The following AXDND1 variants were observed in gnomAD, a reference collection of about 807,000 sequenced individuals.
AXDND1 encodes axonemal dynein light chain domain containing 1.
AXDND1 carries 110 observed loss-of-function variants against 137.5 expected under a neutral mutation model. The observed-to-expected ratio is 0.80, with a 90% CI of 0.69 to 0.94. The LOEUF is 0.94. AXDND1 is among the 40% of genes least tolerant of loss of function. The pLI, the probability that AXDND1 is intolerant of heterozygous loss-of-function variation, is 0.00. For synonymous variants in AXDND1, 414 were observed against 399.7 expected (o/e 1.04, Z -0.43); for missense variants, 1,191 against 1,169.8 (o/e 1.02, Z -0.26).
intron 12 of AXDND1, among the ~76,000 whole-genome samples, chr1:179,417,054 T>C (rs1654818927): frequency 6.6e-6 from 1 of 152,214 alleles, no homozygotes; most frequent in African/African-American, 2.4e-5. Context: ...TGATATCTCA[T>C]TGTAGTTTTG....
chr1:179,505,362 G>A (rs1055645849), intron 20 of AXDND1, among the ~76,000 whole-genome samples: 3 of 152,148 alleles, frequency 2.0e-5, no homozygotes, highest in African/African-American at 7.2e-5. Context: ...GTTCAGAACT[G>A]AGGATCTTGG....
chr1:179,369,091 G>A, intron 3 of AXDND1, 119 bp downstream of exon 3: 4 of 1,060,252 alleles, frequency 3.8e-6, no homozygotes, highest in Non-Finnish European at 5.3e-6. Context: ...TTTTAAGATT[G>A]ATTGAGACAG....
rs143178688 is a variant in AXDND1, at chr1:179,445,193, A to G, written c.1787A>G (p.Asn596Ser). The change falls in exon 16 of 26, where the codon AAT (asparagine) becomes AGT (serine). Residue 596 changes from asparagine (N) to serine (S), a missense_variant. Transcript: ENST00000367618. Reference protein sequence around the residue: ...KLYKEYEIRINGDNGYSKILP... With the variant: ...KLYKEYEIRISGDNGYSKILP... The stretch of plus-strand genomic sequence containing the variant: ...TACAAAGAATATGAAATAAGAATAA[A>G]TGGGGACAATGGTAAGAAAATACTC... The G allele has an allele frequency of 6.8e-4, 1,061 of 1,549,308 alleles. 6 individuals carry two copies. In the African/African-American group the frequency reaches 0.012, roughly 17 times the overall value.
At chr1:179,425,638 A>G (rs1215659375) in intron 12 of AXDND1, among the ~76,000 whole-genome samples, 1 of 151,940 alleles carries the variant, frequency 6.6e-6, no homozygotes, top group South Asian at 2.1e-4. Context: ...GTCCATCTTG[A>G]TCTCACTTTT....
chr1:179,369,005 C>A (rs1177042978), intron 3 of AXDND1, 33 bp downstream of exon 3: 1 of 1,531,794 alleles, frequency 6.5e-7, no homozygotes, highest in Non-Finnish European at 8.9e-7. Flanking sequence ...TAATGGGGAA[C>A]ATTATTTTTT....
chr1:179,535,056 T>C (rs777375605), intron 25 of AXDND1, 94 bp downstream of exon 25: 1 of 1,560,562 alleles, frequency 6.4e-7, no homozygotes, highest in Non-Finnish European at 8.8e-7. Flanking sequence ...ATTAATATAT[T>C]TGGTGCTAAT....
At chr1:179,514,035 T>C (rs1669287577) in intron 21 of AXDND1, among the ~76,000 whole-genome samples, 1 of 152,184 alleles carries the variant, frequency 6.6e-6, no homozygotes, top group Admixed American at 6.6e-5. Flanking sequence ...CATTTATCTT[T>C]TGTATTTTTT....
intron 20 of AXDND1, among the ~76,000 whole-genome samples, chr1:179,508,568 G>A (rs1668743986): frequency 6.6e-6 from 1 of 152,102 alleles, no homozygotes; most frequent in South Asian, 2.1e-4. Flanking sequence ...ACTGTTAGGA[G>A]ATCTTGGTAA....
At chr1:179,551,147 T>C in intron 25 of AXDND1, 1 of 1,613,288 alleles carries the variant, frequency 6.2e-7, no homozygotes, top group Non-Finnish European at 8.5e-7. Context: ...CAGGCCCCTT[T>C]ACAGTCACAT....
chr1:179,533,769 T>C (rs1375691703), intron 23 of AXDND1, 26 bp from the exon 24 acceptor site: 1 of 1,545,444 alleles, frequency 6.5e-7, no homozygotes, highest in Non-Finnish European at 8.9e-7. Flanking sequence ...TGTCAGTTCA[T>C]TCATATCTCA....
chr1:179,375,570 ATACATATATG>A (rs1482142853), intron 4 of AXDND1, among the ~76,000 whole-genome samples: 2 of 150,392 alleles, frequency 1.3e-5, no homozygotes, highest in East Asian at 3.9e-4. Context: ...ATATATGTAC[ATACATATATG>A]TACATATATG....
At chr1:179,410,479 C>T (rs558277602) in intron 11 of AXDND1, among the ~76,000 whole-genome samples, 31 of 152,352 alleles carry the variant, frequency 2.0e-4, no homozygotes, top group East Asian at 1.2e-3. Flanking sequence ...CTACCTGCCT[C>T]GGCCTCCCAA....
chr1:179,366,566 CA>C lies in AXDND1; in HGVS notation c.62del (p.Lys21SerfsTer2), dbSNP rs760451018. On this transcript the variant is annotated frameshift_variant, in exon 2 of 26. Coordinates refer to ENST00000367618, the MANE Select transcript of AXDND1 (RefSeq NM_144696.6). LOFTEE classifies it high-confidence loss of function. ...TAAACTCTACATCAACATCTGAGAG[CA>C]AAAAGTTAAAAGTGTCTGTAGCCAA... ...PLNSTSTSES[K>X]KLKVSVAKEG... is the part of the protein sequence containing the mutation. 1 of 1,613,670 alleles carries C rather than the reference CA, an allele frequency of 6.2e-7. No individual in the cohort carries two copies. Among genetic ancestry groups the C allele is most frequent in the Non-Finnish European group, 8.5e-7 (1 of 1,179,758 alleles).
chr1:179,414,627 G>A (rs560006695), intron 12 of AXDND1, among the ~76,000 whole-genome samples: 15 of 152,030 alleles, frequency 9.9e-5, no homozygotes, highest in Admixed American at 2.6e-4. Context: ...GGGTTTCACC[G>A]TGTTAGCCAG....
chr1:179,486,119 CAAAAAAA>C (rs1173009992), intron 18 of AXDND1, among the ~76,000 whole-genome samples: 1 of 22,646 alleles, frequency 4.4e-5, no homozygotes, highest in Non-Finnish European at 9.6e-5. Flanking sequence ...AACTCTGTCT[CAAAAAAA>C]AAAAAAAAAA....
At chr1:179,396,326 T>C (rs1651055554) in intron 11 of AXDND1, among the ~76,000 whole-genome samples, 1 of 152,104 alleles carries the variant, frequency 6.6e-6, no homozygotes, top group Admixed American at 6.6e-5. Context: ...TCCATGTTTT[T>C]ATATTTTACT....
chr1:179,369,994 T>C lies in AXDND1; in HGVS notation c.290T>C (p.Val97Ala), dbSNP rs772424107. 1.2e-6 allele frequency: 2 copies of C among 1,614,008 alleles called. No homozygotes were observed. The highest frequency in any genetic ancestry group is 3.3e-5 in the Admixed American group (2 of 60,018). The change falls in exon 4 of 26, where the codon GTA becomes GCA. Residue 97 changes from valine (V) to alanine (A), a missense_variant. Val to Ala is a moderately conservative substitution (Grantham distance 64, BLOSUM62 0). Transcript: ENST00000367618. ...TCCCAGGGCACTCTTCCACGCCTTG[T>C]AGACCATGTCTGGCATCACCCTGTT... ...KTPKGTLPRLVDHVWHHPVRR... is the reference protein window; with the variant it reads ...KTPKGTLPRLADHVWHHPVRR...
intron 2 of AXDND1, 148 bp downstream of exon 2, chr1:179,366,754 A>G (rs971102213): frequency 3.1e-6 from 2 of 653,890 alleles, no homozygotes; most frequent in East Asian, 2.8e-5. Flanking sequence ...GCAAGAAGTC[A>G]TTCCTTTTAC....
chr1:179,491,890 T>G (rs1292284127), intron 19 of AXDND1, among the ~76,000 whole-genome samples, 153 bp downstream of exon 19: 1 of 152,208 alleles, frequency 6.6e-6, no homozygotes, highest in Non-Finnish European at 1.5e-5. Context: ...TGTGAGCAGT[T>G]ATAATATGAG....
Sources: gnomAD v4.1 joint callset for allele counts (sites outside exome capture counted in the v4.1 genomes callset) on GRCh38, gnomAD v4.1.1 for gene constraint, MANE v1.5 for transcripts, NCBI Gene and HGNC (gene_info 2026-07-23, HGNC 2026-07-21) for gene names.